LDAH: variants seen among roughly 807,000 people sequenced by gnomAD.
LDAH encodes the protein lipid droplet associated hydrolase.
A neutral mutation model predicts 29.6 loss-of-function variants in LDAH; 26 were observed. That is an observed-to-expected ratio of 0.88 (90% CI 0.64 to 1.22). LDAH has a LOEUF of 1.22. Among genes scored for constraint, LDAH ranks in the 50% most tolerant of loss-of-function variants. The pLI, the probability that LDAH is intolerant of heterozygous loss-of-function variation, is 0.00. For synonymous variants in LDAH, 117 were observed against 133.0 expected (o/e 0.88, Z 0.83); for missense variants, 344 against 387.3 (o/e 0.89, Z 0.94).
At chr2:20,718,468 A>G (rs1388138422) in intron 5 of LDAH, among the ~76,000 whole-genome samples, 3 of 152,194 alleles carry the variant, frequency 2.0e-5, no homozygotes, top group Non-Finnish European at 2.9e-5. Flanking sequence ...ACGATATTAC[A>G]TTAATAAATA....
intron 3 of LDAH, chr2:20,789,186 C>T: frequency 3.2e-6 from 5 of 1,550,558 alleles, no homozygotes; most frequent in South Asian, 2.4e-5. Flanking sequence ...CCCCCAAATC[C>T]ATAGGTGAAA....
intron 5 of LDAH, among the ~76,000 whole-genome samples, chr2:20,707,800 C>T (rs748165070): frequency 3.3e-5 from 5 of 152,220 alleles, no homozygotes; most frequent in Non-Finnish European, 5.9e-5. Context: ...CTGTGTCACA[C>T]GGCAGGAGGT....
chr2:20,742,088 T>C (rs555858278), intron 4 of LDAH, among the ~76,000 whole-genome samples: 27 of 152,370 alleles, frequency 1.8e-4, no homozygotes, highest in African/African-American at 6.3e-4. Context: ...ATGTTTAATC[T>C]CCATGTATTT....
chr2:20,776,788 T>TA (rs1314576133), intron 3 of LDAH, among the ~76,000 whole-genome samples: 1 of 152,212 alleles, frequency 6.6e-6, no homozygotes, highest in Non-Finnish European at 1.5e-5. Flanking sequence ...TTCTTTGATA[T>TA]AAAAAACCAC....
intron 3 of LDAH, among the ~76,000 whole-genome samples, chr2:20,787,221 T>C (rs990478203): frequency 1.3e-5 from 2 of 152,246 alleles, no homozygotes; most frequent in African/African-American, 4.8e-5. Flanking sequence ...AGGTGACAAT[T>C]TGTCCTGTGA....
At chr2:20,762,973 A>C (rs773825522) in intron 4 of LDAH, among the ~76,000 whole-genome samples, 10 of 152,212 alleles carry the variant, frequency 6.6e-5, no homozygotes, top group Non-Finnish European at 1.5e-4. Flanking sequence ...GAACTTACAC[A>C]CCAAAGAGCT....
chr2:20,768,828 T>C (rs1383580869), intron 4 of LDAH, among the ~76,000 whole-genome samples: 1 of 152,242 alleles, frequency 6.6e-6, no homozygotes, highest in Non-Finnish European at 1.5e-5. Context: ...TCATTATTTC[T>C]TATTTGGACT....
chr2:20,772,249 G>T (rs632843), intron 4 of LDAH, among the ~76,000 whole-genome samples: 2,274 of 152,206 alleles, frequency 0.015, 59 homozygotes, highest in African/African-American at 0.052. Flanking sequence ...GTCTGTGATG[G>T]GCTCCAAAAT....
intron 5 of LDAH, among the ~76,000 whole-genome samples, chr2:20,727,968 GC>G (rs1666130751): frequency 6.6e-6 from 1 of 152,146 alleles, no homozygotes; most frequent in South Asian, 2.1e-4. Context: ...GAACGCTAAT[GC>G]CCCAGAACTC....
intron 2 of LDAH, among the ~76,000 whole-genome samples, chr2:20,790,612 A>G (rs1236884841): frequency 1.3e-5 from 2 of 152,140 alleles, no homozygotes; most frequent in Non-Finnish European, 2.9e-5. Context: ...ATCTGGAAGA[A>G]GTCTAAAATC....
At chr2:20,688,124 C>A (rs114767756) in intron 6 of LDAH, among the ~76,000 whole-genome samples, 1 of 152,126 alleles carries the variant, frequency 6.6e-6, no homozygotes, top group African/African-American at 2.4e-5. Context: ...AGAGATAAGA[C>A]AGTCTTGGGG....
At chr2:20,785,694 C>G (rs560669134) in intron 3 of LDAH, among the ~76,000 whole-genome samples, 2 of 152,240 alleles carry the variant, frequency 1.3e-5, no homozygotes, top group South Asian at 4.1e-4. Flanking sequence ...CTTGGATGTG[C>G]TGTACTTTTA....
chr2:20,694,687 C>T lies in LDAH; in HGVS notation c.786+6883G>A, dbSNP rs575197241. 1.4e-4 allele frequency among the ~76,000 whole-genome samples: 21 copies of T among 152,232 alleles called. 1 individual carries two copies. Among genetic ancestry groups the T allele is most frequent in the Non-Finnish European group, 2.8e-4 (19 of 68,042 alleles). Reference sequence around the variant, plus strand: ...CGCCCGTGAACCCTGCTTCTCTCTGCAGGCACAGAGGGGAGCGGTGGGAAT... The same window carrying T: ...CGCCCGTGAACCCTGCTTCTCTCTGTAGGCACAGAGGGGAGCGGTGGGAAT... On this transcript the variant is annotated intron_variant, in intron 6 of 6. Transcript: ENST00000237822.
At chr2:20,696,450 T>C (rs1193043225) in intron 6 of LDAH, among the ~76,000 whole-genome samples, 4 of 152,224 alleles carry the variant, frequency 2.6e-5, no homozygotes, top group African/African-American at 9.6e-5. Context: ...CCCCTACCAC[T>C]GCCTAACTTC....
intron 4 of LDAH, among the ~76,000 whole-genome samples, chr2:20,744,991 C>T (rs773867833): frequency 2.0e-5 from 3 of 152,084 alleles, no homozygotes; most frequent in Non-Finnish European, 4.4e-5. Flanking sequence ...CTGTGTCCTC[C>T]CCTATCCTGG....
chr2:20,755,464 T>C lies in LDAH; in HGVS notation c.469-15259A>G, dbSNP rs1257694661. ...CCATCTCTCCTTAGTAAACTGTAAA[T>C]TCTGCATAAGCAGTTTGTTTTTTGT... On this transcript the variant is annotated intron_variant, in intron 4 of 6. Coordinates refer to ENST00000237822, the MANE Select transcript of LDAH (RefSeq NM_021925.4). Among the ~76,000 whole-genome samples the C allele has an allele frequency of 2.0e-5, 3 of 152,204 alleles. No individual in the cohort carries two copies. The East Asian group carries it at 5.8e-4, about 29-fold the overall frequency.
intron 1 of LDAH, among the ~76,000 whole-genome samples, chr2:20,810,835 C>T (rs369647537): frequency 1.2e-4 from 18 of 152,254 alleles, no homozygotes; most frequent in African/African-American, 4.3e-4. Flanking sequence ...CACAGGAACG[C>T]AAACCCTATT....
intron 4 of LDAH, among the ~76,000 whole-genome samples, chr2:20,744,333 A>G (rs1481528081): frequency 6.6e-6 from 1 of 151,060 alleles, no homozygotes; most frequent in Non-Finnish European, 1.5e-5. Context: ...TTAGCAATGT[A>G]GCAGTTAGGT....
intron 2 of LDAH, among the ~76,000 whole-genome samples, chr2:20,795,041 T>C (rs1423359257): frequency 6.6e-6 from 1 of 152,100 alleles, no homozygotes; most frequent in Non-Finnish European, 1.5e-5. Context: ...CACGGAGGGG[T>C]ATGGGAGAGG....
Sources: gnomAD v4.1 joint callset for allele counts (sites outside exome capture counted in the v4.1 genomes callset) on GRCh38, gnomAD v4.1.1 for gene constraint, MANE v1.5 for transcripts, NCBI Gene and HGNC (gene_info 2026-07-23, HGNC 2026-07-21) for gene names.